LETMD1: variants seen among roughly 807,000 people sequenced by gnomAD.
The protein encoded by LETMD1 is LETM1 domain-containing protein 1.
A neutral mutation model predicts 43.9 loss-of-function variants in LETMD1; 30 were observed. The ratio of observed to expected loss-of-function variants is 0.68; its 90% confidence interval spans 0.51 to 0.93. LETMD1 has a LOEUF of 0.93. Ranked by LOEUF, LETMD1 falls within the 40% of genes least tolerant of loss-of-function variation. LETMD1 has a pLI of 0.00. For missense variants in LETMD1, 413 were observed against 447.7 expected (o/e 0.92, Z 0.70); for synonymous variants, 176 against 163.1 (o/e 1.08, Z -0.60).
At chr12:51,051,418 G>A (rs1277323932) in intron 2 of LETMD1, among the ~76,000 whole-genome samples, 1 of 148,360 alleles carries the variant, frequency 6.7e-6, no homozygotes, top group South Asian at 2.2e-4. Flanking sequence ...ACAAAAATAA[G>A]TGTTCCAGGC....
At chr12:51,051,644 T>C (rs549238588) in intron 2 of LETMD1, among the ~76,000 whole-genome samples, 4 of 151,560 alleles carry the variant, frequency 2.6e-5, no homozygotes, top group Admixed American at 2.0e-4. Context: ...GAGGTGGAGG[T>C]TGCAGTCAGC....
At position 51,059,426 on chromosome 12, in the gene LETMD1, C is replaced by A. The variant is rs147339209; in HGVS notation, c.1078C>A (p.Arg360Ser). Residue 360 changes from arginine to serine, a missense_variant, in exon 9 of 9, where the codon CGC becomes AGC. Transcript: ENST00000262055. ...CTCCACCAACTACCTTGGGACAAGG[C>A]GCTGAATGAACCATGGAGCGGATGG... Reference protein sequence around the residue: ...LLSTNYLGTRR With the variant: ...LLSTNYLGTRS 2 of 1,613,928 alleles carry A rather than the reference C, an allele frequency of 1.2e-6. No homozygotes were observed. Among genetic ancestry groups the A allele is most frequent in the South Asian group, 1.1e-5 (1 of 91,080 alleles).
Position 51,049,187 on chromosome 12 carries a change from T to C in LETMD1, c.274+2T>C, listed in dbSNP as rs771685511. The C allele has an allele frequency of 1.9e-6, 3 of 1,607,334 alleles. No homozygotes were observed. The South Asian group carries it at 3.3e-5, about 18-fold the overall frequency. ...TCCTGTACACAATCTTCATGAAAGG[T>C]AAAAACGAAACTACAATAGAAATTC... On this transcript the variant is annotated splice_donor_variant, in intron 2 of 8. Transcript: ENST00000262055. LOFTEE classifies it high-confidence loss of function.
chr12:51,056,456 T>G lies in LETMD1; in HGVS notation c.869T>G (p.Leu290Trp). 1 of 1,614,182 alleles carries G rather than the reference T, an allele frequency of 6.2e-7. No homozygotes were observed. The highest frequency in any genetic ancestry group is 8.5e-7 in the Non-Finnish European group (1 of 1,180,048). The change falls in exon 7 of 9, where the codon TTG (leucine) becomes TGG (tryptophan). Residue 290 changes from leucine to tryptophan, a missense_variant. Physicochemically the swap from Leu to Trp is moderately conservative, Grantham distance 61. Transcript: ENST00000262055. ...TTVIHQLDKA[L>W]AKLGIGQLTA... ...GTGATTCACCAACTGGACAAGGCTT[T>G]GGCAAAGCTGGGGATTGGCCAGCTG...
chr12:51,067,549 A>G, the LETMD1 span: 2 of 880,708 alleles, frequency 2.3e-6, no homozygotes, highest in Admixed American at 2.4e-5. This position sits in a 1 kb window ranked among gnomAD's most constrained non-coding sequence, Gnocchi z 4.1. Flanking sequence ...GGGTTGTGGA[A>G]CTGGAGAGTG....
At position 51,059,421 on chromosome 12, in the gene LETMD1, C is replaced by T. The variant is rs1029266626; in HGVS notation, c.1073C>T (p.Thr358Ile). 27 of 1,613,944 alleles carry T rather than the reference C, an allele frequency of 1.7e-5. No homozygotes were observed. Among genetic ancestry groups the T allele is most frequent in the Non-Finnish European group, 2.1e-5 (25 of 1,179,896 alleles). ...VVLLSTNYLG[T>I]RR Reference sequence around the variant, plus strand: ...CTGCTCTCCACCAACTACCTTGGGACAAGGCGCTGAATGAACCATGGAGCG... The same window carrying T: ...CTGCTCTCCACCAACTACCTTGGGATAAGGCGCTGAATGAACCATGGAGCG... The change falls in exon 9 of 9, where the codon ACA becomes ATA. Residue 358 changes from threonine to isoleucine, a missense_variant. By Grantham distance (89) the Thr-to-Ile change is moderately conservative. Coordinates refer to ENST00000262055, the MANE Select transcript of LETMD1 (RefSeq NM_015416.5).
the LETMD1 span, chr12:51,067,800 C>T: frequency 1.2e-5 from 19 of 1,614,110 alleles, no homozygotes; most frequent in African/African-American, 1.1e-4. This position sits in a 1 kb window ranked among gnomAD's most constrained non-coding sequence, Gnocchi z 4.1. Context: ...AGCATCAATA[C>T]GGTGGACCCC....
Position 51,055,942 on chromosome 12 carries a change from T to G in LETMD1, c.581T>G (p.Ile194Ser). 6.2e-7 allele frequency: 1 copy of G among 1,614,050 alleles called. No homozygotes were observed. The highest frequency in any genetic ancestry group is 1.3e-5 in the African/African-American group (1 of 75,024). Residue 194 changes from isoleucine (I) to serine (S), a missense_variant, in exon 5 of 9, where the codon ATT becomes AGT. Physicochemically the swap from Ile to Ser is moderately radical, Grantham distance 142. Coordinates refer to ENST00000262055, the MANE Select transcript of LETMD1 (RefSeq NM_015416.5). ...HAFRKQSHPE[I>S]ISYLEKVIPL... is the part of the protein sequence containing the mutation. ...TTCCGGAAGCAGTCCCACCCAGAAA[T>G]TATTAGTTATTTAGAAAAGGTCATC...
chr12:51,059,553 A>G lies in LETMD1; in HGVS notation c.*122A>G. On this transcript the variant is annotated 3_prime_UTR_variant, in exon 9 of 9. Coordinates refer to ENST00000262055, the MANE Select transcript of LETMD1 (RefSeq NM_015416.5). ...GTGTGTGGGAGGCAGAGAGAGGAGC[A>G]GGGGCCATGGGCTTCACAGCATGGC... is the stretch of plus-strand genomic sequence containing the variant. 2 of 844,706 alleles carry G rather than the reference A, an allele frequency of 2.4e-6. No individual in the cohort carries two copies. Among genetic ancestry groups the G allele is most frequent in the Non-Finnish European group, 2.0e-6 (1 of 502,534 alleles). 52.3% of individuals were successfully genotyped at this position (844,706 alleles called of 1,614,324 possible). A position where few individuals can be genotyped will look rare whatever the true frequency, so the allele number is the denominator to read the frequency against.
chr12:51,063,084 A>G (rs552682649), downstream of LETMD1: 2 of 152,372 alleles, frequency 1.3e-5, no homozygotes, highest in South Asian at 4.1e-4. Flanking sequence ...GTACTTAAGA[A>G]CATGTGGAAG....
At chr12:51,059,142 C>G (rs1948547645) in intron 8 of LETMD1, 2 of 525,146 alleles carry the variant, frequency 3.8e-6, no homozygotes, top group Non-Finnish European at 6.9e-6. Flanking sequence ...CTACTGCAAT[C>G]ACATGAGAAA....
intron 5 of LETMD1, 29 bp downstream of exon 5, chr12:51,056,050 A>G (rs766015181): frequency 6.2e-7 from 1 of 1,610,264 alleles, no homozygotes; most frequent in African/African-American, 1.3e-5. Context: ...CTTCCTACAA[A>G]TGTGGAATCT....
At chr12:51,056,070 C>T in intron 5 of LETMD1, 49 bp downstream of exon 5, 1 of 1,606,882 alleles carries the variant, frequency 6.2e-7, no homozygotes, top group Non-Finnish European at 8.5e-7. Context: ...TTGTTAGATT[C>T]AGTGTGCACT....
downstream of LETMD1, chr12:51,064,476 C>A (rs201672896): frequency 1.2e-6 from 2 of 1,609,314 alleles, no homozygotes; most frequent in Non-Finnish European, 1.7e-6. Flanking sequence ...TCCTGTCAGG[C>A]TGCAACTGGC....
intron 2 of LETMD1, 139 bp from the exon 3 acceptor site, chr12:51,051,953 A>G (rs1040472256): frequency 4.7e-5 from 31 of 656,990 alleles, no homozygotes; most frequent in Non-Finnish European, 6.9e-5. Flanking sequence ...CAGGAGTTTC[A>G]AGTTACCTAG....
chr12:51,055,839 CT>C lies in LETMD1; in HGVS notation c.479del (p.Leu160ArgfsTer7). 6.3e-7 allele frequency: 1 copy of C among 1,596,090 alleles called. No homozygotes were observed. Among genetic ancestry groups the C allele is most frequent in the Non-Finnish European group, 8.5e-7 (1 of 1,171,202 alleles). ...TGTGATTCTTTCTCCTTTCAGGTAC[CT>C]GTTTCCCAGGCAACTACTGATCAGG... is the stretch of plus-strand genomic sequence containing the variant. ...ANYLVFLLMYLFPRQLLIRHF... is the reference protein window; with the variant it reads ...ANYLVFLLMYXFPRQLLIRHF... On this transcript the variant is annotated frameshift_variant, in exon 5 of 9. Coordinates refer to ENST00000262055, the MANE Select transcript of LETMD1 (RefSeq NM_015416.5). LOFTEE classifies it high-confidence loss of function.
downstream of LETMD1, chr12:51,064,515 G>A (rs1937902386): frequency 6.2e-7 from 1 of 1,612,852 alleles, no homozygotes; most frequent in Non-Finnish European, 8.5e-7. Context: ...ATCTGGGGCT[G>A]CTGGGCGGCT....
Position 51,059,502 on chromosome 12 carries a change from C to A in LETMD1, c.*71C>A, listed in dbSNP as rs764435626. 6.6e-6 allele frequency: 9 copies of A among 1,357,642 alleles called. No homozygotes were observed. The highest frequency in any genetic ancestry group is 4.6e-5 in the East Asian group (2 of 43,618). 84.1% of individuals were successfully genotyped at this position (1,357,642 alleles called of 1,614,324 possible). ...GCAGTGCAGGAACAAACAGCACTTGCCAGCAAAGTCTGTGTGTACTGTTAA... is the reference window on the plus strand; with the variant it reads ...GCAGTGCAGGAACAAACAGCACTTGACAGCAAAGTCTGTGTGTACTGTTAA... On this transcript the variant is annotated 3_prime_UTR_variant, in exon 9 of 9. Transcript: ENST00000262055.
the LETMD1 span, chr12:51,067,666 G>A: frequency 6.2e-7 from 1 of 1,611,496 alleles, no homozygotes; most frequent in Non-Finnish European, 8.5e-7. The surrounding 1 kb of genome is among the most constrained non-coding windows in gnomAD (Gnocchi z 4.1). Context: ...GGCCAACTTG[G>A]ACTGACCTGG....
Sources: allele counts gnomAD v4.1 joint callset (sites outside exome capture counted in the v4.1 genomes callset), GRCh38; gene constraint gnomAD v4.1.1; non-coding constraint Gnocchi (gnomAD v3.1); transcripts MANE v1.5; gene names NCBI Gene and HGNC (gene_info 2026-07-23, HGNC 2026-07-21).